The following PDE11A variants were observed in gnomAD, a reference collection of about 807,000 sequenced individuals.
The protein encoded by PDE11A is phosphodiesterase 11A, also known as dual 3',5'-cyclic-AMP and -GMP phosphodiesterase 11A.
Under a neutral mutation model 100.5 loss-of-function variants are expected in PDE11A, and 100 were observed. That is an observed-to-expected ratio of 1.00 (90% CI 0.85 to 1.18). The LOEUF (loss-of-function observed/expected upper bound fraction) is 1.18. Ranked by LOEUF, PDE11A falls within the 50% of genes most tolerant of loss-of-function variation. The probability of loss-of-function intolerance (pLI) is 0.00; values close to 1 mark genes in which losing one functional copy is unlikely to be tolerated. For missense variants in PDE11A, 1,141 were observed against 1,152.6 expected (o/e 0.99, Z 0.15); for synonymous variants, 381 against 420.8 (o/e 0.91, Z 1.16).
chr2:177,853,668 ATATATATATATATGTG>A (rs1225660064), intron 5 of PDE11A, among the ~76,000 whole-genome samples: 2 of 32,168 alleles, frequency 6.2e-5, no homozygotes, highest in African/African-American at 9.9e-5. Flanking sequence ...ATATATATAT[ATATATATATATATGTG>A]TGTGTGTGTG....
At chr2:177,724,800 G>A (rs2081576372) in intron 12 of PDE11A, among the ~76,000 whole-genome samples, 2 of 148,044 alleles carry the variant, frequency 1.4e-5, no homozygotes, top group African/African-American at 5.3e-5. Flanking sequence ...AAGGAAGGTG[G>A]GTAAGGTTTT....
chr2:178,067,343 A>G (rs1342975128), intron 1 of PDE11A, among the ~76,000 whole-genome samples: 2 of 151,808 alleles, frequency 1.3e-5, no homozygotes. Context: ...TGAAGTTCAA[A>G]CTCTTTAGCT....
At chr2:177,966,470 G>A (rs1019875444) in intron 2 of PDE11A, among the ~76,000 whole-genome samples, 1 of 152,048 alleles carries the variant, frequency 6.6e-6, no homozygotes, top group Admixed American at 6.6e-5. Context: ...GTATGATGTT[G>A]GCTGTGGGTC....
intron 1 of PDE11A, among the ~76,000 whole-genome samples, chr2:178,064,332 G>A (rs2087015172): frequency 6.6e-6 from 1 of 152,162 alleles, no homozygotes; most frequent in South Asian, 2.1e-4. Context: ...TTCGCTGTAG[G>A]TGTGTTCGGC....
At chr2:177,649,945 T>C (rs1041620089) in intron 19 of PDE11A, among the ~76,000 whole-genome samples, 1 of 152,204 alleles carries the variant, frequency 6.6e-6, no homozygotes, top group African/African-American at 2.4e-5. Flanking sequence ...ACCTGATTGG[T>C]TAATTGTTAA....
chr2:177,761,071 G>A (rs2082161424), intron 10 of PDE11A, among the ~76,000 whole-genome samples: 1 of 152,180 alleles, frequency 6.6e-6, no homozygotes, highest in Non-Finnish European at 1.5e-5. Context: ...GTGGTAGGAG[G>A]ATACATGAAT....
intron 15 of PDE11A, chr2:177,688,060 A>G (rs13032794): frequency 0.16 from 24,627 of 152,160 alleles, 2,758 homozygotes; most frequent in African/African-American, 0.32. Flanking sequence ...CTCTGAGATA[A>G]TCTTTGTAAA....
intron 19 of PDE11A, among the ~76,000 whole-genome samples, chr2:177,646,423 G>A (rs2080224685): frequency 6.6e-6 from 1 of 152,192 alleles, no homozygotes; most frequent in African/African-American, 2.4e-5. Flanking sequence ...CTTCATATGT[G>A]ACCTGATTAC....
chr2:177,881,387 C>CTATG (rs1558989461), intron 4 of PDE11A, among the ~76,000 whole-genome samples: 3 of 151,368 alleles, frequency 2.0e-5, no homozygotes, highest in African/African-American at 7.3e-5. Context: ...ATCTATCTAT[C>CTATG]CATCTATCTA....
At chr2:177,708,929 A>T (rs2081319355) in intron 13 of PDE11A, among the ~76,000 whole-genome samples, 1 of 152,222 alleles carries the variant, frequency 6.6e-6, no homozygotes, top group Non-Finnish European at 1.5e-5. Flanking sequence ...ATGGGGGTAC[A>T]TTAGGGTGGA....
chr2:178,070,323 C>T (rs1341624132), intron 1 of PDE11A, among the ~76,000 whole-genome samples: 4 of 152,144 alleles, frequency 2.6e-5, no homozygotes, highest in Admixed American at 2.6e-4. Flanking sequence ...AAATATGAAA[C>T]TTGGCTTTAG....
In PDE11A at chr2:177,999,299, C is replaced by T. The variant is rs189581178; in HGVS notation, c.1071+15003G>A. 7.9e-5 allele frequency among the ~76,000 whole-genome samples: 12 copies of T among 152,286 alleles called. No homozygotes were observed. The East Asian group carries it at 1.5e-3, about 20-fold the overall frequency. Reference sequence around the variant, plus strand: ...GACATTTATAGGTTCATCCAAGGATCGTGGTTCTCTGTCTTCATGACAAGG... The same window carrying T: ...GACATTTATAGGTTCATCCAAGGATTGTGGTTCTCTGTCTTCATGACAAGG... On this transcript the variant is annotated intron_variant, in intron 2 of 19. Coordinates refer to ENST00000286063, the MANE Select transcript of PDE11A (RefSeq NM_016953.4).
At chr2:177,995,810 T>C (rs1303025582) in intron 2 of PDE11A, among the ~76,000 whole-genome samples, 1 of 152,194 alleles carries the variant, frequency 6.6e-6, no homozygotes, top group African/African-American at 2.4e-5. Context: ...TTTTTCTGGG[T>C]AGCCCTGGTT....
chr2:177,818,313 A>G lies in PDE11A; in HGVS notation c.1577-388T>C, dbSNP rs199998649. On this transcript the variant is annotated intron_variant, in intron 7 of 19. Transcript: ENST00000286063. ...ACTGAAAATATATATATATGTGTGTATATATATATATATATCATACTCTGA... is the reference window on the plus strand; with the variant it reads ...ACTGAAAATATATATATATGTGTGTGTATATATATATATATCATACTCTGA... Among the ~76,000 whole-genome samples the G allele has an allele frequency of 4.8e-3, 290 of 60,096 alleles. 3 individuals carry two copies. Among genetic ancestry groups the G allele is most frequent in the African/African-American group, 0.042 (263 of 6,214 alleles). 39.4% of individuals were successfully genotyped at this position (60,096 alleles called of 152,430 possible).
At chr2:177,714,503 T>C (rs1420526914) in intron 12 of PDE11A, among the ~76,000 whole-genome samples, 1 of 152,184 alleles carries the variant, frequency 6.6e-6, no homozygotes, top group Admixed American at 6.5e-5. Flanking sequence ...CTAAGTCATA[T>C]GCCCAGGGTC....
chr2:178,014,340 T>A lies in PDE11A; in HGVS notation c.1033A>T (p.Ile345Phe). The change falls in exon 2 of 20, where the codon ATT (isoleucine) becomes TTT (phenylalanine). Residue 345 changes from isoleucine (I) to phenylalanine (F), a missense_variant. Transcript: ENST00000286063. ...TCAGTAAATGGAGCTCCTTCAGGAATCTTATTTATCGCTTGGGCCACACCA... is the reference window on the plus strand; with the variant it reads ...TCAGTAAATGGAGCTCCTTCAGGAAACTTATTTATCGCTTGGGCCACACCA... ...IIGVAQAINK[I>F]PEGAPFTEDD... 6.2e-7 allele frequency: 1 copy of A among 1,613,292 alleles called. No homozygotes were observed. Among genetic ancestry groups the A allele is most frequent in the Non-Finnish European group, 8.5e-7 (1 of 1,179,252 alleles).
At chr2:177,699,637 T>G (rs975623531) in intron 14 of PDE11A, among the ~76,000 whole-genome samples, 2 of 152,178 alleles carry the variant, frequency 1.3e-5, no homozygotes, top group African/African-American at 4.8e-5. Flanking sequence ...TGGAAAGACA[T>G]GCAGATCTGG....
chr2:178,088,459 C>A (rs1275798368), intron 2 of PDE11A, among the ~76,000 whole-genome samples: 1 of 152,220 alleles, frequency 6.6e-6, no homozygotes, highest in Non-Finnish European at 1.5e-5. Context: ...GGAAGTACTT[C>A]ACTCACTAGT....
chr2:178,067,164 T>G (rs1396564105), intron 1 of PDE11A, among the ~76,000 whole-genome samples: 2 of 152,148 alleles, frequency 1.3e-5, no homozygotes, highest in African/African-American at 4.8e-5. Context: ...ATGCTTGAGT[T>G]TAATTGTTCA....
Sources: gnomAD v4.1 joint callset for allele counts (sites outside exome capture counted in the v4.1 genomes callset) on GRCh38, gnomAD v4.1.1 for gene constraint, MANE v1.5 for transcripts, NCBI Gene and HGNC (gene_info 2026-07-23, HGNC 2026-07-21) for gene names.